Variants in CMBL observed in about 807,000 individuals in gnomAD.
CMBL encodes carboxymethylenebutenolidase homolog (Pseudomonas).
A neutral mutation model predicts 28.7 loss-of-function variants in CMBL; 17 were observed. That is an observed-to-expected ratio of 0.59 (90% CI 0.41 to 0.89). CMBL has a LOEUF of 0.89. Ranked by LOEUF, CMBL falls within the 40% of genes least tolerant of loss-of-function variation. The pLI is 0.00. For missense variants in CMBL, 310 were observed against 298.5 expected (o/e 1.04, Z -0.28); for synonymous variants, 106 against 101.6 (o/e 1.04, Z -0.26).
In CMBL at chr5:10,282,212, CACA is replaced by C. The variant is rs1403178240; in HGVS notation, c.540_542del (p.Val181del). On this transcript the variant is annotated inframe_deletion, in exon 5 of 6. Transcript: ENST00000296658. ...GCCAACTTACGTCCTTGAGTGGAAT[CACA>C]ACATCATTTTCAGCAAAAATGAACA... 1.2e-6 allele frequency: 2 copies of C among 1,609,852 alleles called. No homozygotes were observed. The highest frequency in any genetic ancestry group is 1.7e-6 in the Non-Finnish European group (2 of 1,176,200).
chr5:10,302,414 G>T (rs1746915792), intron 1 of CMBL, among the ~76,000 whole-genome samples: 1 of 151,742 alleles, frequency 6.6e-6, no homozygotes, highest in South Asian at 2.1e-4. Flanking sequence ...GAAGGCCAAG[G>T]CTGGTGGATC....
In CMBL at chr5:10,278,426, C is replaced by G. The variant is rs1224622736; in HGVS notation, c.*2027G>C. On this transcript the variant is annotated 3_prime_UTR_variant, in exon 6 of 6. Coordinates refer to ENST00000296658, the MANE Select transcript of CMBL (RefSeq NM_138809.4). ...CACCCACATGGACCATGCCGATATC[C>G]TACCCACACCGACCCCTCTCAGTCA... Among the ~76,000 whole-genome samples the G allele has an allele frequency of 6.6e-6, 1 of 152,114 alleles. No individual in the cohort carries two copies. The highest frequency in any genetic ancestry group is 2.4e-5 in the African/African-American group (1 of 41,426).
chr5:10,300,268 C>T (rs546184792), intron 1 of CMBL, among the ~76,000 whole-genome samples: 2 of 139,180 alleles, frequency 1.4e-5, no homozygotes, highest in Non-Finnish European at 3.1e-5. Context: ...GGATTGCTGG[C>T]CCCCCACCAG....
intron 1 of CMBL, among the ~76,000 whole-genome samples, chr5:10,303,457 A>G (rs1399870313): frequency 1.3e-5 from 2 of 152,260 alleles, no homozygotes; most frequent in African/African-American, 4.8e-5. Flanking sequence ...TTTCAGAAAG[A>G]AGTAAAACCA....
intron 1 of CMBL, chr5:10,292,141 G>A (rs908213207): frequency 6.6e-6 from 1 of 152,200 alleles, no homozygotes. Context: ...ACCGCCATCA[G>A]GCCTGCCTAA....
intron 1 of CMBL, among the ~76,000 whole-genome samples, chr5:10,291,577 C>T (rs942639891): frequency 6.6e-5 from 10 of 151,586 alleles, no homozygotes; most frequent in Admixed American, 2.6e-4. Context: ...AGGAGAATGG[C>T]GTGAACCCGG....
chr5:10,284,413 A>C (rs1301970518), intron 4 of CMBL, among the ~76,000 whole-genome samples: 1 of 152,216 alleles, frequency 6.6e-6, no homozygotes, highest in Non-Finnish European at 1.5e-5. Flanking sequence ...TCATTAGTAT[A>C]ACTTTATGAT....
At chr5:10,283,093 A>G (rs1173630951) in intron 4 of CMBL, among the ~76,000 whole-genome samples, 1 of 37,800 alleles carries the variant, frequency 2.6e-5, no homozygotes, top group African/African-American at 5.6e-5. Context: ...TCCGTCTCAG[A>G]AAAAAAAAAA....
rs562553808 is a variant in CMBL at position 10,288,271 on chromosome 5, A to AT, written c.323+150dup. The AT allele has an allele frequency of 6.2e-3, 3,801 of 612,378 alleles. 21 individuals carry two copies. The highest frequency in any genetic ancestry group is 9.0e-3 in the Non-Finnish European group (3,139 of 347,478). 37.9% of individuals were successfully genotyped at this position (612,378 alleles called of 1,614,324 possible). Reference sequence around the variant, plus strand: ...TCCAACAGAGCAAAAACAAAAAAAAATTTTTTCTCCTTTGTGCCAGGGGAA... The same window carrying AT: ...TCCAACAGAGCAAAAACAAAAAAAAATTTTTTTCTCCTTTGTGCCAGGGGAA... On this transcript the variant is annotated intron_variant, in intron 3 of 5. Transcript: ENST00000296658.
At position 10,293,387 on chromosome 5, in the gene CMBL, T is replaced by C. The variant is rs73052328; in HGVS notation, c.-19-2606A>G. Among the ~76,000 whole-genome samples the C allele has an allele frequency of 4.6e-3, 704 of 152,290 alleles. 5 individuals carry two copies. Among genetic ancestry groups the C allele is most frequent in the African/African-American group, 0.016 (673 of 41,558 alleles). On this transcript the variant is annotated intron_variant, in intron 1 of 5. Transcript: ENST00000296658. ...TTTCTGGTTCATATGTGGTGCCCTC[T>C]CCTTGTGTCCTCACGGGGTAGAAGG...
intron 1 of CMBL, among the ~76,000 whole-genome samples, chr5:10,307,043 C>T (rs916114327): frequency 6.6e-6 from 1 of 152,210 alleles, no homozygotes. Flanking sequence ...ACCCACATGG[C>T]TGTGGGGTGT....
chr5:10,288,701 C>G (rs1746652162), intron 2 of CMBL, among the ~76,000 whole-genome samples, 172 bp from the exon 3 acceptor site: 1 of 152,234 alleles, frequency 6.6e-6, no homozygotes, highest in South Asian at 2.1e-4. Flanking sequence ...GGCACCGGGC[C>G]AAGCCCTCTT....
At chr5:10,288,575 A>G (rs749611445) in intron 2 of CMBL, 46 bp from the exon 3 acceptor site, 3 of 1,376,762 alleles carry the variant, frequency 2.2e-6, no homozygotes, top group Non-Finnish European at 2.1e-6. Flanking sequence ...GAGTTGCTTG[A>G]CTCAGTATTT....
chr5:10,279,256 T>C lies in CMBL; in HGVS notation c.*1197A>G, dbSNP rs1300438845. On this transcript the variant is annotated 3_prime_UTR_variant, in exon 6 of 6. Coordinates refer to ENST00000296658, the MANE Select transcript of CMBL (RefSeq NM_138809.4). ...CTCTAGCCCACCGTTCTCTGCTATC[T>C]TTTTAAAAAAGCTGCAAATTCAAAA... 1 of 152,208 alleles carries C rather than the reference T, an allele frequency of 6.6e-6. No homozygotes were observed. Among genetic ancestry groups the C allele is most frequent in the Non-Finnish European group, 1.5e-5 (1 of 68,032 alleles). 9.4% of individuals were successfully genotyped at this position (152,208 alleles called of 1,614,324 possible).
rs1170742525 is a variant in CMBL, at chr5:10,278,027, C to T, written c.*2426G>A. Among the ~76,000 whole-genome samples, 1 of 152,214 alleles carries T rather than the reference C, an allele frequency of 6.6e-6. No homozygotes were observed. Among genetic ancestry groups the T allele is most frequent in the Non-Finnish European group, 1.5e-5 (1 of 68,022 alleles). On this transcript the variant is annotated 3_prime_UTR_variant, in exon 6 of 6. Transcript: ENST00000296658. ...TGTGAGGCCTCCTGGGAGCAGCCCT[C>T]AGCAGGCAAGGGCTTTGGCCTGTTG... is the stretch of plus-strand genomic sequence containing the variant.
At chr5:10,290,461 C>A in intron 2 of CMBL, 87 bp downstream of exon 2, 1 of 1,096,840 alleles carries the variant, frequency 9.1e-7, no homozygotes, top group South Asian at 1.3e-5. Context: ...TATAGTCAGA[C>A]CGCTGTGGTT....
At chr5:10,294,770 T>C (rs1746780577) in intron 1 of CMBL, among the ~76,000 whole-genome samples, 1 of 152,154 alleles carries the variant, frequency 6.6e-6, no homozygotes, top group Non-Finnish European at 1.5e-5. Context: ...TGCTGACAGA[T>C]TGTATCTGTG....
At chr5:10,292,634 C>G (rs1579474345) in intron 1 of CMBL, among the ~76,000 whole-genome samples, 1 of 152,144 alleles carries the variant, frequency 6.6e-6, no homozygotes, top group Middle Eastern at 3.4e-3. Flanking sequence ...ACCAGCCTGG[C>G]CAATATGGTG....
rs1716529883 is a variant in CMBL, at chr5:10,289,252, G to T, written c.216-723C>A. 6.6e-6 allele frequency among the ~76,000 whole-genome samples: 1 copy of T among 152,188 alleles called. No individual in the cohort carries two copies. The highest frequency in any genetic ancestry group is 6.5e-5 in the Admixed American group (1 of 15,284). On this transcript the variant is annotated intron_variant, in intron 2 of 5. Coordinates refer to ENST00000296658, the MANE Select transcript of CMBL (RefSeq NM_138809.4). This position sits in a 1 kb window ranked among gnomAD's most constrained non-coding sequence, Gnocchi z 4.3. Reference sequence around the variant, plus strand: ...TTCGAGGCTCGGTACACCCCATGCTGCTGTGTGGCCTTGGCCTTCACAAGT... The same window carrying T: ...TTCGAGGCTCGGTACACCCCATGCTTCTGTGTGGCCTTGGCCTTCACAAGT...
Sources: gnomAD v4.1 joint callset for allele counts (sites outside exome capture counted in the v4.1 genomes callset) on GRCh38, gnomAD v4.1.1 for gene constraint, Gnocchi (gnomAD v3.1) non-coding constraint, MANE v1.5 for transcripts, NCBI Gene and HGNC (gene_info 2026-07-23, HGNC 2026-07-21) for gene names.